The following UBE4B variants were observed in gnomAD, a reference collection of about 807,000 sequenced individuals.
UBE4B encodes the protein ubiquitination factor E4B, also known as ubiquitin conjugation factor E4 B.
UBE4B carries 27 observed loss-of-function variants against 148.1 expected under a neutral mutation model. The ratio of observed to expected loss-of-function variants is 0.18; its 90% confidence interval spans 0.13 to 0.25. UBE4B has a LOEUF of 0.25. Among genes scored for constraint, UBE4B ranks in the 10% least tolerant of loss-of-function variants. The pLI, the probability that UBE4B is intolerant of heterozygous loss-of-function variation, is 1.00. For synonymous variants in UBE4B, 596 were observed against 619.3 expected (o/e 0.96, Z 0.56); for missense variants, 1,170 against 1,662.4 (o/e 0.70, Z 5.15).
chr1:10,072,357 A>T, intron 2 of UBE4B, 143 bp downstream of exon 2: 1 of 970,320 alleles, frequency 1.0e-6, no homozygotes, highest in Non-Finnish European at 1.5e-6. Context: ...TTTAAATATC[A>T]TTGCAATGTG....
intron 3 of UBE4B, among the ~76,000 whole-genome samples, chr1:10,099,732 T>C (rs979174350): frequency 6.6e-6 from 1 of 152,180 alleles, no homozygotes; most frequent in African/African-American, 2.4e-5. Context: ...GAAGTTTTAG[T>C]AATTAAGACA....
intron 22 of UBE4B, among the ~76,000 whole-genome samples, chr1:10,158,878 C>T (rs149725744): frequency 1.6e-3 from 240 of 151,992 alleles, no homozygotes; most frequent in African/African-American, 5.5e-3. Flanking sequence ...GGTGTGGTGG[C>T]GCACGTCTGT....
intron 17 of UBE4B, among the ~76,000 whole-genome samples, chr1:10,139,683 T>C (rs1305319348): frequency 2.0e-5 from 3 of 152,210 alleles, no homozygotes; most frequent in Non-Finnish European, 4.4e-5. Flanking sequence ...ATCATTTTAA[T>C]GTCTGTAGGA....
chr1:10,150,800 C>T (rs1645959951), intron 20 of UBE4B, among the ~76,000 whole-genome samples: 2 of 147,380 alleles, frequency 1.4e-5, no homozygotes, highest in East Asian at 2.0e-4. Flanking sequence ...GCGGAGGTTT[C>T]AGTGAGCCGA....
intron 23 of UBE4B, among the ~76,000 whole-genome samples, chr1:10,164,365 A>AT (rs1179390073): frequency 6.6e-6 from 1 of 151,704 alleles, no homozygotes; most frequent in Non-Finnish European, 1.5e-5. Context: ...AAAAAAAAAA[A>AT]GAAAGAAAGA....
intron 1 of UBE4B, among the ~76,000 whole-genome samples, chr1:10,034,056 A>G (rs996868428): frequency 6.6e-6 from 1 of 152,186 alleles, no homozygotes; most frequent in East Asian, 1.9e-4. Flanking sequence ...TTAAAGAACA[A>G]TTTTGGATGG....
At chr1:10,047,488 CTTT>C (rs952378949) in intron 1 of UBE4B, among the ~76,000 whole-genome samples, 9 of 116,034 alleles carry the variant, frequency 7.8e-5, no homozygotes, top group African/African-American at 1.8e-4. Context: ...CTTCATATAT[CTTT>C]TTTTTTTTTT....
rs33997625 is a variant in UBE4B at position 10,102,391 on chromosome 1, C to CTTTTTTTTTTTT, written c.436-531_436-520dup. On this transcript the variant is annotated intron_variant, in intron 4 of 27. Transcript: ENST00000343090. ...GGTGACTTTTGATAATGACTTTGCT[C>CTTTTTTTTTTTT]TTTTTTTTTTTTTTTTTTTTTTTTT... Among the ~76,000 whole-genome samples the CTTTTTTTTTTTT allele has an allele frequency of 3.1e-4, 16 of 51,566 alleles. 3 individuals are homozygous for CTTTTTTTTTTTT. The highest frequency in any genetic ancestry group is 6.1e-4 in the African/African-American group (10 of 16,518). 33.8% of individuals were successfully genotyped at this position (51,566 alleles called of 152,430 possible). A position where few individuals can be genotyped will look rare whatever the true frequency, so the allele number is the denominator to read the frequency against.
chr1:10,106,143 C>T lies in UBE4B; in HGVS notation c.810-54C>T, dbSNP rs1370458181. On this transcript the variant is annotated intron_variant, in intron 6 of 27. Transcript: ENST00000343090. This position sits in a 1 kb window ranked among gnomAD's most constrained non-coding sequence, Gnocchi z 4.2. ...GATATTTTCTGTTTTAGTTAGTTAT[C>T]TCAAGTTTTTCTTTGATTTTTCTCT... The T allele has an allele frequency of 3.3e-6, 5 of 1,510,792 alleles. No homozygotes were observed. The African/African-American group carries it at 7.0e-5, about 21-fold the overall frequency. The allele number at this position is 1,510,792 out of a possible 1,614,324, so 93.6% of individuals were successfully genotyped here.
At chr1:10,061,231 C>T (rs1249524419) in intron 1 of UBE4B, among the ~76,000 whole-genome samples, 2 of 152,124 alleles carry the variant, frequency 1.3e-5, no homozygotes, top group African/African-American at 4.8e-5. Flanking sequence ...AGACAACTGG[C>T]CACATTTCTG....
intron 23 of UBE4B, among the ~76,000 whole-genome samples, chr1:10,163,112 G>A (rs1184132127): frequency 1.3e-5 from 2 of 151,304 alleles, no homozygotes; most frequent in African/African-American, 2.4e-5. Flanking sequence ...TGGCTGGAGT[G>A]CACTGGCAGG....
At chr1:10,126,346 G>C (rs1397410589) in intron 10 of UBE4B, among the ~76,000 whole-genome samples, 4 of 152,112 alleles carry the variant, frequency 2.6e-5, no homozygotes, top group African/African-American at 9.7e-5. Context: ...TAGATAGATA[G>C]ATAGATAGAA....
chr1:10,132,083 T>C (rs1455122650), intron 14 of UBE4B, among the ~76,000 whole-genome samples: 1 of 152,088 alleles, frequency 6.6e-6, no homozygotes. Flanking sequence ...TGAGCTGAGA[T>C]TGCACCACTG....
chr1:10,145,107 G>C (rs898292542), intron 18 of UBE4B, 68 bp downstream of exon 18: 2 of 1,250,882 alleles, frequency 1.6e-6, no homozygotes, highest in African/African-American at 3.0e-5. Context: ...CAGAATATAT[G>C]CCTTGAGTGA....
In UBE4B at chr1:10,103,399, CTTTATTTATTTATTTA is replaced by C. The variant is rs149354050; in HGVS notation, c.580+343_580+358del. Among the ~76,000 whole-genome samples the C allele has an allele frequency of 5.0e-3, 681 of 135,544 alleles. 2 individuals carry two copies. The highest frequency in any genetic ancestry group is 7.2e-3 in the Non-Finnish European group (457 of 63,562). The allele number at this position is 135,544 out of a possible 152,430, so 88.9% of individuals were successfully genotyped here. On this transcript the variant is annotated intron_variant, in intron 5 of 27. Transcript: ENST00000343090. ...GAAGGTGCTTAGAGCATTACCTCCT[CTTTATTTATTTATTTA>C]TTTATTTATTTATTTATTTATTTAT...
chr1:10,154,545 T>A (rs1646035670), intron 21 of UBE4B, among the ~76,000 whole-genome samples: 2 of 151,674 alleles, frequency 1.3e-5, no homozygotes, highest in African/African-American at 4.8e-5. Flanking sequence ...GTGAAAATAA[T>A]AAAAACAACT....
At chr1:10,177,240 C>G (rs757031473) in intron 25 of UBE4B, among the ~76,000 whole-genome samples, 40 of 152,062 alleles carry the variant, frequency 2.6e-4, no homozygotes, top group Non-Finnish European at 5.3e-4. Flanking sequence ...GAGGTTTAGG[C>G]CGAGCACAGT....
chr1:10,110,742 A>G (rs1645203968), intron 7 of UBE4B, among the ~76,000 whole-genome samples: 1 of 152,132 alleles, frequency 6.6e-6, no homozygotes, highest in Admixed American at 6.6e-5. Flanking sequence ...TGAGTAGAGA[A>G]AGGGAAAATT....
chr1:10,039,498 C>T (rs1204986852), intron 1 of UBE4B, among the ~76,000 whole-genome samples: 3 of 151,970 alleles, frequency 2.0e-5, no homozygotes, highest in African/African-American at 7.3e-5. Context: ...GGCATGATCT[C>T]GGCTCACTGC....
Sources: gnomAD v4.1 joint callset for allele counts (sites outside exome capture counted in the v4.1 genomes callset) on GRCh38, gnomAD v4.1.1 for gene constraint, Gnocchi (gnomAD v3.1) non-coding constraint, MANE v1.5 for transcripts, NCBI Gene and HGNC (gene_info 2026-07-23, HGNC 2026-07-21) for gene names.